The following SCP2 variants were observed in gnomAD, a reference collection of about 807,000 sequenced individuals.
SCP2 encodes the protein sterol carrier protein 2.
Under a neutral mutation model 71.4 loss-of-function variants are expected in SCP2, and 48 were observed. That is an observed-to-expected ratio of 0.67 (90% CI 0.53 to 0.86). SCP2 has a LOEUF of 0.86. Ranked by LOEUF, SCP2 falls within the 40% of genes least tolerant of loss-of-function variation. SCP2 has a pLI of 0.00. For missense variants in SCP2, 560 were observed against 655.6 expected, an observed-to-expected ratio of 0.85 and a Z score of 1.59; for synonymous variants, 220 against 218.1, an observed-to-expected ratio of 1.01 and a Z score of -0.08.
At chr1:53,044,669 G>T (rs954812434) in intron 14 of SCP2, among the ~76,000 whole-genome samples, 2 of 152,150 alleles carry the variant, frequency 1.3e-5, no homozygotes, top group Non-Finnish European at 2.9e-5. Context: ...TTTAATTTGA[G>T]CTAATTCTTA....
Position 52,954,723 on chromosome 1 carries a change from T to C in SCP2, c.332-17T>C, listed in dbSNP as rs1655637845. 1 of 1,608,430 alleles carries C rather than the reference T, an allele frequency of 6.2e-7. No homozygotes were observed. ...TTGGAAATTTGAATTTTCAAAATAA[T>C]TACGTTTTCCTTTAAGGTGTGGCAG... is the stretch of plus-strand genomic sequence containing the variant. On this transcript the variant is annotated splice_polypyrimidine_tract_variant and intron_variant, in intron 4 of 15. Transcript: ENST00000371514.
At chr1:52,982,609 C>T (rs1212992572) in intron 10 of SCP2, among the ~76,000 whole-genome samples, 1 of 151,978 alleles carries the variant, frequency 6.6e-6, no homozygotes, top group Non-Finnish European at 1.5e-5. Flanking sequence ...AGTTGAGAAC[C>T]ACTGCGATAA....
At chr1:52,984,963 C>T (rs1658857804) in intron 10 of SCP2, among the ~76,000 whole-genome samples, 1 of 151,798 alleles carries the variant, frequency 6.6e-6, no homozygotes, top group Admixed American at 6.6e-5. Context: ...CCTCAGCCTC[C>T]CGAGTAGCTG....
At position 52,941,856 on chromosome 1, in the gene SCP2, A is replaced by T; in HGVS notation, c.127+3A>T. ...CCCTGACTTGGCAGAAGAAGCAGGT[A>T]ACATAGAACATTTAGATCTTTGAAC... is the stretch of plus-strand genomic sequence containing the variant. On this transcript the variant is annotated splice_donor_region_variant and intron_variant, in intron 2 of 15. Coordinates refer to ENST00000371514, the MANE Select transcript of SCP2 (RefSeq NM_002979.5). 6.3e-7 allele frequency: 1 copy of T among 1,594,724 alleles called. No individual in the cohort carries two copies. The highest frequency in any genetic ancestry group is 8.6e-7 in the Non-Finnish European group (1 of 1,162,282).
At chr1:53,020,158 A>T (rs1247330856) in intron 12 of SCP2, among the ~76,000 whole-genome samples, 2 of 152,154 alleles carry the variant, frequency 1.3e-5, no homozygotes, top group Non-Finnish European at 2.9e-5. Flanking sequence ...AAGTGCTGGG[A>T]TTACAGACAT....
intron 13 of SCP2, among the ~76,000 whole-genome samples, chr1:53,031,716 C>A (rs997190053): frequency 2.6e-5 from 4 of 152,350 alleles, no homozygotes; most frequent in African/African-American, 9.6e-5. Flanking sequence ...TACCCTCTCT[C>A]ACTCCCACTT....
At chr1:52,942,603 T>C (rs959856400) in intron 2 of SCP2, among the ~76,000 whole-genome samples, 8 of 150,972 alleles carry the variant, frequency 5.3e-5, no homozygotes, top group African/African-American at 1.2e-4. Context: ...CTTTACATGA[T>C]ATATATAAAG....
At chr1:53,037,155 T>A (rs991042214) in intron 13 of SCP2, among the ~76,000 whole-genome samples, 33 of 152,038 alleles carry the variant, frequency 2.2e-4, no homozygotes, top group African/African-American at 7.7e-4. Context: ...ATAATAATAA[T>A]AAATGATGAA....
intron 4 of SCP2, among the ~76,000 whole-genome samples, chr1:52,951,106 AC>A (rs1210613189): frequency 1.3e-5 from 2 of 151,852 alleles, no homozygotes; most frequent in Admixed American, 6.6e-5. Context: ...ATGTAACAAA[AC>A]CCCGTCTCTA....
intron 1 of SCP2, among the ~76,000 whole-genome samples, chr1:52,931,357 T>G (rs555735129): frequency 6.6e-6 from 1 of 152,288 alleles, no homozygotes; most frequent in East Asian, 1.9e-4. Flanking sequence ...AAGACTATTC[T>G]AAGGAACAGT....
At chr1:52,972,422 AT>A (rs1280965738) in intron 6 of SCP2, among the ~76,000 whole-genome samples, 2 of 152,322 alleles carry the variant, frequency 1.3e-5, no homozygotes, top group East Asian at 3.9e-4. Flanking sequence ...ATCAGATCCT[AT>A]GTTACGAAAA....
At chr1:52,955,670 C>T (rs1003473755) in intron 5 of SCP2, among the ~76,000 whole-genome samples, 1 of 152,028 alleles carries the variant, frequency 6.6e-6, no homozygotes, top group African/African-American at 2.4e-5. Flanking sequence ...AAATTAGTTC[C>T]AGAATGGTAG....
At chr1:53,023,761 C>T (rs1338867724) in intron 12 of SCP2, among the ~76,000 whole-genome samples, 1 of 152,114 alleles carries the variant, frequency 6.6e-6, no homozygotes. Context: ...TGCACAGAGT[C>T]TGCTTGCTGG....
At chr1:53,011,303 A>T (rs923115990) in intron 11 of SCP2, among the ~76,000 whole-genome samples, 7 of 152,230 alleles carry the variant, frequency 4.6e-5, no homozygotes, top group African/African-American at 1.7e-4. Flanking sequence ...AAGGAGGAAA[A>T]GACCTCAGAG....
rs758082412 is a variant in SCP2 at position 53,050,644 on chromosome 1, C to G, written c.1584C>G (p.Asn528Lys). 2 of 1,613,640 alleles carry G rather than the reference C, an allele frequency of 1.2e-6. No homozygotes were observed. The highest frequency in any genetic ancestry group is 1.7e-6 in the Non-Finnish European group (2 of 1,179,624). Residue 528 changes from asparagine (N) to lysine (K), a missense_variant, in exon 16 of 16, where the codon AAC (asparagine) becomes AAG (lysine). Asn to Lys is a moderately conservative substitution (Grantham distance 94, BLOSUM62 0). Coordinates refer to ENST00000371514, the MANE Select transcript of SCP2 (RefSeq NM_002979.5). Reference sequence around the variant, plus strand: ...AAGGCAAATTGAAAATCACTGGCAACATGGGTCTCGCTATGAAGTTACAAA... The same window carrying G: ...AAGGCAAATTGAAAATCACTGGCAAGATGGGTCTCGCTATGAAGTTACAAA... ...FFQGKLKITG[N>K]MGLAMKLQNL...
intron 13 of SCP2, among the ~76,000 whole-genome samples, chr1:53,028,630 C>A (rs1269924330): frequency 2.0e-5 from 3 of 151,846 alleles, no homozygotes; most frequent in Non-Finnish European, 4.4e-5. Context: ...TTTGTTTTAA[C>A]CTTTTAAACA....
At chr1:53,017,391 A>G (rs959688271) in intron 12 of SCP2, among the ~76,000 whole-genome samples, 4 of 152,116 alleles carry the variant, frequency 2.6e-5, no homozygotes, top group Admixed American at 6.5e-5. Context: ...TCTGGCAACC[A>G]CTGATCTGTT....
At chr1:52,995,614 G>A in intron 11 of SCP2, 1 of 563,920 alleles carries the variant, frequency 1.8e-6, no homozygotes, top group Admixed American at 2.2e-5. Flanking sequence ...AACATAATGA[G>A]ACCCCTGCCA....
At chr1:53,043,058 C>A (rs563189608) in intron 14 of SCP2, among the ~76,000 whole-genome samples, 43 of 152,192 alleles carry the variant, frequency 2.8e-4, no homozygotes, top group Admixed American at 2.5e-3. Context: ...CAACTCTGTC[C>A]CTTTATGGGC....
Sources: gnomAD v4.1 joint callset for allele counts (sites outside exome capture counted in the v4.1 genomes callset) on GRCh38, gnomAD v4.1.1 for gene constraint, MANE v1.5 for transcripts, NCBI Gene and HGNC (gene_info 2026-07-23, HGNC 2026-07-21) for gene names.